The following KLF7 variants were observed in gnomAD, a reference collection of about 807,000 sequenced individuals.
KLF7 encodes Krueppel-like factor 7.
KLF7 carries 2 observed loss-of-function variants against 27.3 expected under a neutral mutation model. The observed-to-expected ratio is 0.07, with a 90% CI of 0.03 to 0.23. The LOEUF (loss-of-function observed/expected upper bound fraction) is 0.23. Ranked by LOEUF, KLF7 falls within the 10% of genes least tolerant of loss-of-function variation. KLF7 has a pLI of 1.00. For missense variants in KLF7, 221 were observed against 394.1 expected (o/e 0.56, Z 3.72); for synonymous variants, 165 against 162.4 (o/e 1.02, Z -0.12).
intron 2 of KLF7, among the ~76,000 whole-genome samples, chr2:207,090,933 G>C (rs149263602): frequency 6.6e-6 from 1 of 152,042 alleles, no homozygotes; most frequent in African/African-American, 2.4e-5. Context: ...AATTCAAAAC[G>C]CCCTCCACCC....
chr2:207,138,220 G>A (rs1230320867), intron 1 of KLF7, among the ~76,000 whole-genome samples: 1 of 152,184 alleles, frequency 6.6e-6, no homozygotes, highest in Admixed American at 6.5e-5. Context: ...AATCCCAGTG[G>A]AGCAAGAACT....
At chr2:207,172,745 T>G in the KLF7 span, among the ~76,000 whole-genome samples, 1 of 152,212 alleles carries the variant, frequency 6.6e-6, no homozygotes, top group South Asian at 2.1e-4. Context: ...ATTTTTACCT[T>G]CACTTGTTAG....
chr2:207,168,384 A>G (rs2078759833), upstream of KLF7, among the ~76,000 whole-genome samples: 1 of 152,230 alleles, frequency 6.6e-6, no homozygotes, highest in Non-Finnish European at 1.5e-5. Context: ...GCCCCAAAGT[A>G]TCCCCAACTT....
intron 2 of KLF7, among the ~76,000 whole-genome samples, chr2:207,100,691 C>T (rs2076745974): frequency 6.6e-6 from 1 of 152,218 alleles, no homozygotes; most frequent in East Asian, 1.9e-4. Context: ...GCAAGGATTT[C>T]TCCTCCTCAG....
chr2:207,103,084 C>T (rs535480045), intron 2 of KLF7, among the ~76,000 whole-genome samples: 3 of 152,202 alleles, frequency 2.0e-5, no homozygotes, highest in Admixed American at 6.5e-5. Context: ...CCCGCCACCA[C>T]ACCCAGCTAA....
chr2:207,075,023 C>T lies in KLF7; in HGVS notation c.*6190G>A, dbSNP rs1016396891. ...AAACTTTCACGAAGTATGTAAGTAC[C>T]CACTTGCGTCTTTCGAAGATTTTTT... On this transcript the variant is annotated 3_prime_UTR_variant, in exon 4 of 4. Transcript: ENST00000309446. 6 of 152,132 alleles carry T rather than the reference C, an allele frequency of 3.9e-5. No individual in the cohort carries two copies. The highest frequency in any genetic ancestry group is 8.8e-5 in the Non-Finnish European group (6 of 68,030). The allele number at this position is 152,132 out of a possible 1,614,324, so 9.4% of individuals were successfully genotyped here.
intron 1 of KLF7, among the ~76,000 whole-genome samples, chr2:207,136,796 G>T (rs2077802180): frequency 6.6e-6 from 1 of 152,106 alleles, no homozygotes; most frequent in Non-Finnish European, 1.5e-5. Flanking sequence ...GAATTCCAGG[G>T]AACACGTGAG....
chr2:207,097,564 A>G (rs1422788702), intron 2 of KLF7, among the ~76,000 whole-genome samples: 1 of 152,198 alleles, frequency 6.6e-6, no homozygotes, highest in Non-Finnish European at 1.5e-5. Flanking sequence ...ATGGAAATAC[A>G]CGGGACTAAA....
chr2:207,125,784 C>T (rs1172895344), intron 1 of KLF7, among the ~76,000 whole-genome samples: 1 of 152,166 alleles, frequency 6.6e-6, no homozygotes, highest in Non-Finnish European at 1.5e-5. Context: ...AGTGTTCATG[C>T]AACTACTGTG....
chr2:207,154,302 TA>T (rs1053239892), intron 1 of KLF7, among the ~76,000 whole-genome samples: 49 of 151,884 alleles, frequency 3.2e-4, no homozygotes, highest in Non-Finnish European at 5.7e-4. Context: ...TTCTGGCTCT[TA>T]AAAAAAATAA....
At chr2:207,169,557 A>G (rs1233175967), upstream of KLF7, among the ~76,000 whole-genome samples, 1 of 152,162 alleles carries the variant, frequency 6.6e-6, no homozygotes, top group Non-Finnish European at 1.5e-5. Context: ...ATATGGGCAT[A>G]CCTCATTTTA....
chr2:207,151,195 A>G (rs1320589603), intron 1 of KLF7, among the ~76,000 whole-genome samples: 2 of 152,156 alleles, frequency 1.3e-5, no homozygotes, highest in East Asian at 1.9e-4. Flanking sequence ...TGTTATCAAC[A>G]CTGCGCTTAT....
intron 2 of KLF7, among the ~76,000 whole-genome samples, chr2:207,095,327 C>T (rs907264445): frequency 4.6e-5 from 7 of 152,140 alleles, no homozygotes; most frequent in African/African-American, 1.7e-4. Context: ...GGATTACAGG[C>T]GTGAGCCACC....
upstream of KLF7, chr2:207,166,502 G>A (rs2078716113): frequency 6.6e-6 from 1 of 150,710 alleles, no homozygotes; most frequent in Admixed American, 6.6e-5. Context: ...GCCTGGCAGA[G>A]CCCGGCGCGT....
chr2:207,104,479 T>G (rs1174409141), intron 2 of KLF7, among the ~76,000 whole-genome samples: 1 of 152,234 alleles, frequency 6.6e-6, no homozygotes, highest in Non-Finnish European at 1.5e-5. Context: ...GATAGGGTTT[T>G]TTAAATCCAA....
At position 207,110,279 on chromosome 2, in the gene KLF7, G is replaced by T. The variant is rs141251965; in HGVS notation, c.733+13495C>A. ...CTGGTGCGAACCAGAACAGTGAATA[G>T]TAGGAAATGTACTGAGGCAGCAAAT... is the stretch of plus-strand genomic sequence containing the variant. On this transcript the variant is annotated intron_variant, in intron 2 of 3. Transcript: ENST00000309446. 1.7e-3 allele frequency among the ~76,000 whole-genome samples: 260 copies of T among 152,350 alleles called. 1 individual carries two copies. Among genetic ancestry groups the T allele is most frequent in the Middle Eastern group, 6.8e-3 (2 of 294 alleles).
intron 2 of KLF7, among the ~76,000 whole-genome samples, chr2:207,095,934 G>A (rs1202207429): frequency 6.6e-6 from 1 of 152,002 alleles, no homozygotes; most frequent in African/African-American, 2.4e-5. Flanking sequence ...TTAAAAATGA[G>A]ATTACTAGAA....
chr2:207,123,564 C>G (rs948424974), intron 2 of KLF7, among the ~76,000 whole-genome samples: 1 of 152,170 alleles, frequency 6.6e-6, no homozygotes, highest in African/African-American at 2.4e-5. Flanking sequence ...GTGGTTGGCA[C>G]TGTAGGGACA....
At chr2:207,130,843 G>T (rs566743145) in intron 1 of KLF7, among the ~76,000 whole-genome samples, 1 of 152,140 alleles carries the variant, frequency 6.6e-6, no homozygotes, top group African/African-American at 2.4e-5. Flanking sequence ...ACTCAAGTTA[G>T]TAAGTAAAAA....
Sources: gnomAD v4.1 joint callset for allele counts (sites outside exome capture counted in the v4.1 genomes callset) on GRCh38, gnomAD v4.1.1 for gene constraint, MANE v1.5 for transcripts, NCBI Gene and HGNC (gene_info 2026-07-23, HGNC 2026-07-21) for gene names.